MMP16: variants seen among roughly 807,000 people sequenced by gnomAD.
The protein encoded by MMP16 is matrix metalloproteinase-16.
A neutral mutation model predicts 67.8 loss-of-function variants in MMP16; 12 were observed. That is an observed-to-expected ratio of 0.18 (90% CI 0.11 to 0.29). MMP16 has a LOEUF of 0.29. Among genes scored for constraint, MMP16 ranks in the 10% least tolerant of loss-of-function variants. The pLI, the probability that MMP16 is intolerant of heterozygous loss-of-function variation, is 1.00. For synonymous variants in MMP16, 249 were observed against 255.9 expected, an observed-to-expected ratio of 0.97 and a Z score of 0.26; for missense variants, 475 against 765.7, an observed-to-expected ratio of 0.62 and a Z score of 4.48.
intron 6 of MMP16, among the ~76,000 whole-genome samples, chr8:88,112,129 A>T (rs1165195027): frequency 6.6e-6 from 1 of 151,592 alleles, no homozygotes. Flanking sequence ...TCTAGTGTAA[A>T]GTACTAGCCT....
At chr8:88,089,642 CTGACAGGCTGTGCAGCAT>C (rs1184445069) in intron 6 of MMP16, among the ~76,000 whole-genome samples, 1 of 151,884 alleles carries the variant, frequency 6.6e-6, no homozygotes, top group African/African-American at 2.4e-5. Flanking sequence ...TCAGAAGGGT[CTGACAGGCTGTGCAGCAT>C]TGTGCTATGT....
chr8:88,193,509 TA>T (rs1007832214), intron 2 of MMP16, among the ~76,000 whole-genome samples: 5 of 152,086 alleles, frequency 3.3e-5, no homozygotes, highest in African/African-American at 1.2e-4. Context: ...ATACAATGAA[TA>T]AGAGATAGTA....
At chr8:88,141,789 A>G (rs968189179) in intron 4 of MMP16, among the ~76,000 whole-genome samples, 1 of 152,178 alleles carries the variant, frequency 6.6e-6, no homozygotes, top group Non-Finnish European at 1.5e-5. Flanking sequence ...CTTGCTCTGC[A>G]TTTCTGAAAA....
At chr8:88,134,705 G>T (rs1031442793) in intron 4 of MMP16, among the ~76,000 whole-genome samples, 1 of 151,336 alleles carries the variant, frequency 6.6e-6, no homozygotes, top group Admixed American at 6.6e-5. Context: ...TCCCCTAGCA[G>T]CTTATTTAAT....
At chr8:88,188,976 A>G (rs927680146) in intron 2 of MMP16, among the ~76,000 whole-genome samples, 1 of 152,138 alleles carries the variant, frequency 6.6e-6, no homozygotes, top group Non-Finnish European at 1.5e-5. Context: ...TATTTTAGGG[A>G]GGAATATTAG....
chr8:88,050,549 A>G (rs2118210917), intron 8 of MMP16, among the ~76,000 whole-genome samples: 1 of 152,332 alleles, frequency 6.6e-6, no homozygotes, highest in Admixed American at 6.5e-5. Flanking sequence ...CAAGTCTTTT[A>G]TATCACATAT....
At chr8:88,306,306 AC>A (rs1287909626) in intron 1 of MMP16, among the ~76,000 whole-genome samples, 7 of 152,172 alleles carry the variant, frequency 4.6e-5, no homozygotes, top group Non-Finnish European at 1.5e-5. Flanking sequence ...CCTACCAACA[AC>A]AAAAAGCCCA....
intron 8 of MMP16, among the ~76,000 whole-genome samples, chr8:88,049,197 G>A (rs1431705888): frequency 2.6e-5 from 4 of 152,202 alleles, no homozygotes; most frequent in Non-Finnish European, 1.5e-5. Flanking sequence ...TGAAAGAATC[G>A]TGCCTGGACT....
intron 1 of MMP16, among the ~76,000 whole-genome samples, chr8:88,227,358 TA>T (rs1191763597): frequency 2.0e-5 from 3 of 152,074 alleles, no homozygotes; most frequent in Non-Finnish European, 4.4e-5. Flanking sequence ...CGTCTGTGAT[TA>T]AAAGGGACGA....
chr8:88,228,784 T>C (rs1809810813), intron 1 of MMP16, among the ~76,000 whole-genome samples: 3 of 152,018 alleles, frequency 2.0e-5, no homozygotes, highest in Admixed American at 2.0e-4. Flanking sequence ...TTAAGTAAAC[T>C]TTGGAACATT....
intron 6 of MMP16, among the ~76,000 whole-genome samples, chr8:88,089,724 G>A (rs2118339662): frequency 6.6e-6 from 1 of 152,058 alleles, no homozygotes; most frequent in Non-Finnish European, 1.5e-5. Context: ...GGGATTTCAG[G>A]AGGGAAGTCC....
At chr8:88,192,484 A>C (rs1809186794) in intron 2 of MMP16, among the ~76,000 whole-genome samples, 2 of 152,182 alleles carry the variant, frequency 1.3e-5, no homozygotes, top group Non-Finnish European at 2.9e-5. Context: ...GTCCCTGCTC[A>C]CTAGCTATCA....
At chr8:88,107,787 C>T (rs995096398) in intron 6 of MMP16, among the ~76,000 whole-genome samples, 2 of 150,914 alleles carry the variant, frequency 1.3e-5, no homozygotes, top group African/African-American at 4.8e-5. Context: ...AGGAGAAATT[C>T]ATCTGCATTT....
rs1009315554 is a variant in MMP16 at position 88,033,523 on chromosome 8, C to G, written c.*7938G>C. On this transcript the variant is annotated 3_prime_UTR_variant, in exon 10 of 10. Transcript: ENST00000286614. ...TTGATTCTTTTAAAAAAGCATCAAC[C>G]AACTATGAACTAATTAGATTTTATG... 6.6e-6 allele frequency: 1 copy of G among 151,666 alleles called. No homozygotes were observed. Among genetic ancestry groups the G allele is most frequent in the African/African-American group, 2.4e-5 (1 of 41,338 alleles). 9.4% of individuals were successfully genotyped at this position (151,666 alleles called of 1,614,324 possible).
At chr8:88,281,276 A>G (rs554872123) in intron 1 of MMP16, among the ~76,000 whole-genome samples, 2 of 152,372 alleles carry the variant, frequency 1.3e-5, no homozygotes, top group East Asian at 1.9e-4. Flanking sequence ...AAATTCATGT[A>G]GAGTCAAAAT....
chr8:88,115,114 C>A (rs1166901201), intron 6 of MMP16, among the ~76,000 whole-genome samples: 3 of 151,954 alleles, frequency 2.0e-5, no homozygotes, highest in Admixed American at 2.0e-4. Flanking sequence ...ACATCATATT[C>A]TCAGATAAGG....
intron 8 of MMP16, among the ~76,000 whole-genome samples, chr8:88,048,935 G>A (rs1364778650): frequency 6.6e-6 from 1 of 152,190 alleles, no homozygotes; most frequent in Non-Finnish European, 1.5e-5. Context: ...CTGTGCAAAA[G>A]GCTTTCCTAT....
intron 1 of MMP16, among the ~76,000 whole-genome samples, chr8:88,292,553 C>A (rs1810942239): frequency 6.6e-6 from 1 of 152,068 alleles, no homozygotes; most frequent in African/African-American, 2.4e-5. Context: ...TAAATCAATA[C>A]CTATTTGAAA....
intron 1 of MMP16, among the ~76,000 whole-genome samples, chr8:88,264,033 CAT>C (rs150086100): frequency 0.66 from 88,278 of 134,340 alleles, 28,765 homozygotes; most frequent in East Asian, 0.84. Flanking sequence ...AAAAATGGCA[CAT>C]ATATATATAT....
Sources: gnomAD v4.1 joint callset for allele counts (sites outside exome capture counted in the v4.1 genomes callset) on GRCh38, gnomAD v4.1.1 for gene constraint, MANE v1.5 for transcripts, NCBI Gene and HGNC (gene_info 2026-07-23, HGNC 2026-07-21) for gene names.